IAPP: variants seen among roughly 807,000 people sequenced by gnomAD.
IAPP encodes Islet amyloid polypeptide (diabetes-associated peptide; amylin).
Under a neutral mutation model 2.9 loss-of-function variants are expected in IAPP, and 4 were observed. That is an observed-to-expected ratio of 1.39 (90% CI 0.69 to 3.19). The LOEUF (loss-of-function observed/expected upper bound fraction) is 3.19. Ranked by LOEUF, IAPP falls within the 30% of genes most tolerant of loss-of-function variation. IAPP has a pLI of 0.01. For synonymous variants in IAPP, 40 were observed against 42.1 expected (o/e 0.95, Z 0.19); for missense variants, 114 against 105.3 (o/e 1.08, Z -0.36).
At chr12:21,373,749 A>AT in intron 2 of IAPP, 1 of 696,254 alleles carries the variant, frequency 1.4e-6, no homozygotes, top group South Asian at 1.5e-5. Flanking sequence ...AATTTCTTCT[A>AT]TATTAACCTG....
chr12:21,371,524 C>G (rs865784220), upstream of IAPP, among the ~76,000 whole-genome samples: 33 of 152,178 alleles, frequency 2.2e-4, no homozygotes, highest in Middle Eastern at 6.8e-3. Flanking sequence ...CAAACACCTT[C>G]AAACAATGTT....
chr12:21,377,373 A>G (rs1591899306), intron 2 of IAPP, among the ~76,000 whole-genome samples: 2 of 152,150 alleles, frequency 1.3e-5, no homozygotes, highest in Admixed American at 1.3e-4. Flanking sequence ...TTTTTATGAC[A>G]TTATTTTTTA....
upstream of IAPP, among the ~76,000 whole-genome samples, chr12:21,372,575 A>G (rs1939877939): frequency 6.6e-6 from 1 of 152,148 alleles, no homozygotes; most frequent in Admixed American, 6.6e-5. Context: ...ATATATGCAC[A>G]TTTGTTGTTA....
At chr12:21,360,432 G>T (rs1012944181) in intron 1 of IAPP, among the ~76,000 whole-genome samples, 1 of 152,186 alleles carries the variant, frequency 6.6e-6, no homozygotes, top group Non-Finnish European at 1.5e-5. Flanking sequence ...ATCAGAGGGT[G>T]GCACCAAGAT....
intron 1 of IAPP, among the ~76,000 whole-genome samples, chr12:21,359,766 A>G (rs1182063223): frequency 3.3e-5 from 5 of 151,992 alleles, no homozygotes; most frequent in East Asian, 1.9e-4. Context: ...AAAAAAATCA[A>G]TGGACTTCTT....
intron 1 of IAPP, among the ~76,000 whole-genome samples, chr12:21,357,891 T>C (rs903411443): frequency 9.2e-5 from 14 of 152,136 alleles, no homozygotes; most frequent in Admixed American, 5.9e-4. Context: ...GTTTTTAAAA[T>C]ATAAACATGC....
At chr12:21,370,129 ATT>A (rs910272270), upstream of IAPP, among the ~76,000 whole-genome samples, 41 of 152,152 alleles carry the variant, frequency 2.7e-4, 1 homozygote, top group Middle Eastern at 3.2e-3. Context: ...ACAGATAAGA[ATT>A]TGTCTTTCAT....
At chr12:21,370,321 TCTTC>T (rs1352241486), upstream of IAPP, among the ~76,000 whole-genome samples, 4 of 151,126 alleles carry the variant, frequency 2.6e-5, no homozygotes, top group South Asian at 6.3e-4. Context: ...AAATACCAGG[TCTTC>T]CTTTTCTTTT....
intron 2 of IAPP, among the ~76,000 whole-genome samples, chr12:21,374,684 A>G (rs1163919804): frequency 2.6e-5 from 4 of 152,324 alleles, no homozygotes; most frequent in Non-Finnish European, 5.9e-5. Context: ...GATAAGCAGA[A>G]TATCTGAATG....
chr12:21,363,772 T>C (rs987166745), intron 1 of IAPP, among the ~76,000 whole-genome samples: 23 of 152,212 alleles, frequency 1.5e-4, no homozygotes, highest in Admixed American at 6.5e-5. Context: ...TAAACACCTC[T>C]GTGCAAATCA....
intron 2 of IAPP, among the ~76,000 whole-genome samples, chr12:21,374,694 G>C (rs1005393456): frequency 6.6e-6 from 1 of 152,160 alleles, no homozygotes; most frequent in African/African-American, 2.4e-5. Flanking sequence ...ATATCTGAAT[G>C]ATGACAGGAA....
chr12:21,363,713 A>T (rs1439473642), intron 1 of IAPP, among the ~76,000 whole-genome samples: 1 of 152,204 alleles, frequency 6.6e-6, no homozygotes, highest in Non-Finnish European at 1.5e-5. Context: ...GATAAAGGGG[A>T]TATCACCATC....
chr12:21,358,953 C>T (rs1938593704), intron 1 of IAPP, among the ~76,000 whole-genome samples: 1 of 152,056 alleles, frequency 6.6e-6, no homozygotes. Flanking sequence ...TGAAGATATT[C>T]ACATATATTT....
chr12:21,359,083 T>C (rs1296621463), intron 1 of IAPP, among the ~76,000 whole-genome samples: 2 of 152,138 alleles, frequency 1.3e-5, no homozygotes, highest in African/African-American at 4.8e-5. Flanking sequence ...AGTCTAGGGA[T>C]TTTTAGACCC....
At chr12:21,374,185 A>G (rs1046911624) in intron 2 of IAPP, among the ~76,000 whole-genome samples, 2 of 152,200 alleles carry the variant, frequency 1.3e-5, no homozygotes, top group Non-Finnish European at 2.9e-5. Flanking sequence ...AAGGACATCT[A>G]ACAACTATGT....
chr12:21,377,406 G>A (rs964585111), intron 2 of IAPP, among the ~76,000 whole-genome samples: 1 of 151,650 alleles, frequency 6.6e-6, no homozygotes, highest in African/African-American at 2.4e-5. Flanking sequence ...TCATTTTATT[G>A]TTTTAAGAAC....
intron 1 of IAPP, among the ~76,000 whole-genome samples, chr12:21,355,625 G>C (rs1228005057): frequency 6.6e-6 from 1 of 152,158 alleles, no homozygotes; most frequent in Non-Finnish European, 1.5e-5. Flanking sequence ...ATTCTGTATA[G>C]TGGCAATGCA....
chr12:21,373,842 T>G, intron 2 of IAPP: 1 of 528,734 alleles, frequency 1.9e-6, no homozygotes, highest in Non-Finnish European at 3.3e-6. Flanking sequence ...TACTTAGATT[T>G]TTGTTTTCCT....
At chr12:21,363,729 T>C (rs75626361) in intron 1 of IAPP, among the ~76,000 whole-genome samples, 49,231 of 151,920 alleles carry the variant, frequency 0.32, 8,284 homozygotes, top group East Asian at 0.46. Context: ...CCATCGATCC[T>C]ACAGAAATAC....
Sources: gnomAD v4.1 joint callset for allele counts (sites outside exome capture counted in the v4.1 genomes callset) on GRCh38, gnomAD v4.1.1 for gene constraint, MANE v1.5 for transcripts, NCBI Gene and HGNC (gene_info 2026-07-23, HGNC 2026-07-21) for gene names.